The following JPH3 variants were observed in gnomAD, a reference collection of about 807,000 sequenced individuals.
JPH3 encodes junctophilin-3.
Under a neutral mutation model 59.6 loss-of-function variants are expected in JPH3, and 11 were observed. That is an observed-to-expected ratio of 0.18 (90% CI 0.12 to 0.31). JPH3 has a LOEUF of 0.31. JPH3 is among the 10% of genes least tolerant of loss of function. JPH3 has a pLI of 1.00. For synonymous variants in JPH3, 673 were observed against 483.6 expected, an observed-to-expected ratio of 1.39 and a Z score of -5.14; for missense variants, 1,202 against 1,105.7, an observed-to-expected ratio of 1.09 and a Z score of -1.24.
intron 1 of JPH3, among the ~76,000 whole-genome samples, chr16:87,642,480 G>C (rs1034273374): frequency 1.1e-4 from 16 of 152,346 alleles, no homozygotes; most frequent in African/African-American, 3.8e-4. Flanking sequence ...GTTGTTAGCA[G>C]GTAATTCCAA....
chr16:87,615,147 C>G (rs1330366251), intron 1 of JPH3, among the ~76,000 whole-genome samples: 2 of 152,248 alleles, frequency 1.3e-5, no homozygotes, highest in Non-Finnish European at 1.5e-5. Context: ...TGAGGGTTCA[C>G]AGGTTCCCGG....
chr16:87,626,075 G>T (rs909219767), intron 1 of JPH3, among the ~76,000 whole-genome samples: 2 of 152,164 alleles, frequency 1.3e-5, no homozygotes. Flanking sequence ...GCTATCGGGG[G>T]TGTTTACCCT....
At chr16:87,643,997 G>A (rs1471937018) in intron 1 of JPH3, among the ~76,000 whole-genome samples, 1 of 152,214 alleles carries the variant, frequency 6.6e-6, no homozygotes, top group African/African-American at 2.4e-5. Context: ...AAGTAGTGGA[G>A]CATGGTGGTG....
In JPH3 at chr16:87,611,813, A is replaced by G. The variant is rs1017054465; in HGVS notation, c.382+8285A>G. Among the ~76,000 whole-genome samples the G allele has an allele frequency of 1.3e-5, 2 of 152,106 alleles. No homozygotes were observed. Among genetic ancestry groups the G allele is most frequent in the African/African-American group, 4.8e-5 (2 of 41,418 alleles). ...CGATGCTGAGGCTGCTGATCTGGGG[A>G]CCTCACATTAAGAACCACAGTCCTG... is the stretch of plus-strand genomic sequence containing the variant. On this transcript the variant is annotated intron_variant, in intron 1 of 4. Coordinates refer to ENST00000284262, the MANE Select transcript of JPH3 (RefSeq NM_020655.4). The surrounding 1 kb of genome is among the most constrained non-coding windows in gnomAD (Gnocchi z 4.5).
intron 4 of JPH3, chr16:87,696,371 C>G (rs2033854059): frequency 8.4e-6 from 5 of 594,464 alleles, no homozygotes; most frequent in South Asian, 2.0e-5. Context: ...CTCAGACGTA[C>G]AGGCAGCTGG....
chr16:87,629,718 G>T (rs980848955), intron 1 of JPH3, among the ~76,000 whole-genome samples: 1 of 152,096 alleles, frequency 6.6e-6, no homozygotes, highest in Non-Finnish European at 1.5e-5. Context: ...GAGCCCGGGG[G>T]ATTTGTAGGG....
intron 1 of JPH3, chr16:87,604,643 C>G (rs1345483034): frequency 8.5e-7 from 1 of 1,174,444 alleles, no homozygotes; most frequent in Non-Finnish European, 1.1e-6. Context: ...TGCTCTAGTC[C>G]TCCCCGCCCG....
chr16:87,678,853 C>T (rs969065092), intron 2 of JPH3, among the ~76,000 whole-genome samples: 86 of 152,298 alleles, frequency 5.6e-4, no homozygotes, highest in African/African-American at 1.9e-3. Context: ...AGCCTGGGAA[C>T]GCCGAGGGCG....
chr16:87,661,115 C>T (rs888286541), intron 2 of JPH3, among the ~76,000 whole-genome samples: 1 of 152,192 alleles, frequency 6.6e-6, no homozygotes, highest in Non-Finnish European at 1.5e-5. Flanking sequence ...TTGCCTTTCC[C>T]AGCTTCCAGA....
Position 87,690,073 on chromosome 16 carries a change from G to A in JPH3, c.1713G>A (p.Pro571=), listed in dbSNP as rs1214480666. ...GCAAGCAGCCCGGGAACCCCAAGCC[G>A]CGGGAGCGGCGGACGGAGTCACCCC... The part of the protein sequence containing the change: ...SGRKQPGNPK[P]RERRTESPPV... Residue 571 remains proline (P), a synonymous_variant, in exon 4 of 5, where the codon CCG becomes CCA. Coordinates refer to ENST00000284262, the MANE Select transcript of JPH3 (RefSeq NM_020655.4). 1.9e-6 allele frequency: 3 copies of A among 1,562,346 alleles called. No individual in the cohort carries two copies. The highest frequency in any genetic ancestry group is 2.6e-6 in the Non-Finnish European group (3 of 1,155,344).
At chr16:87,655,731 G>A (rs2032477846) in intron 2 of JPH3, among the ~76,000 whole-genome samples, 1 of 152,206 alleles carries the variant, frequency 6.6e-6, no homozygotes, top group Non-Finnish European at 1.5e-5. Flanking sequence ...AACACGTAAT[G>A]AGTGCAGTGC....
Position 87,608,175 on chromosome 16 carries a change from C to G in JPH3, c.382+4647C>G, listed in dbSNP as rs1355694915. ...AGGAGAGAGAGAACTCTGACCCCTT[C>G]TCTTCTGAGGACACCCAGCCGGAGA... On this transcript the variant is annotated intron_variant, in intron 1 of 4. Transcript: ENST00000284262. 2.0e-5 allele frequency among the ~76,000 whole-genome samples: 3 copies of G among 152,228 alleles called. No individual in the cohort carries two copies. The East Asian group carries it at 5.8e-4, about 29-fold the overall frequency.
chr16:87,662,759 C>A (rs1027329781), intron 2 of JPH3, among the ~76,000 whole-genome samples: 1 of 152,224 alleles, frequency 6.6e-6, no homozygotes, highest in Non-Finnish European at 1.5e-5. Context: ...TAGCTCAGAC[C>A]CTCCTCAGCC....
intron 2 of JPH3, among the ~76,000 whole-genome samples, chr16:87,671,514 G>A (rs2033014622): frequency 6.6e-6 from 1 of 152,214 alleles, no homozygotes; most frequent in South Asian, 2.1e-4. Flanking sequence ...GTTGGGCACT[G>A]GCTGGGAAGA....
intron 2 of JPH3, among the ~76,000 whole-genome samples, chr16:87,682,049 GC>G (rs972026483): frequency 6.6e-6 from 1 of 152,146 alleles, no homozygotes; most frequent in African/African-American, 2.4e-5. Context: ...CCACCCAAGG[GC>G]CTGGAATCGG....
intron 1 of JPH3, among the ~76,000 whole-genome samples, chr16:87,640,327 C>CA (rs77410169): frequency 0.18 from 26,658 of 145,344 alleles, 2,827 homozygotes; most frequent in East Asian, 0.38. Context: ...GACTCCATCT[C>CA]AAAAAAAAAA....
intron 1 of JPH3, chr16:87,604,609 G>C: frequency 8.3e-7 from 1 of 1,208,266 alleles, no homozygotes; most frequent in African/African-American, 1.6e-5. Flanking sequence ...CTTCTGCCGA[G>C]AATAAAAATC....
At position 87,690,127 on chromosome 16, in the gene JPH3, G is replaced by T. The variant is rs538000829; in HGVS notation, c.1767G>T (p.Arg589=). 6.3e-7 allele frequency: 1 copy of T among 1,589,722 alleles called. No homozygotes were observed. ...TGTTCACGTGGACTTCCCACCACCGGGCCAGCAACCACAGCCCCGGAGGCT... is the reference window on the plus strand; with the variant it reads ...TGTTCACGTGGACTTCCCACCACCGTGCCAGCAACCACAGCCCCGGAGGCT... ...PPVFTWTSHH[R]ASNHSPGGSR... Residue 589 remains arginine (R), a synonymous_variant, in exon 4 of 5, where the codon CGG becomes CGT. Transcript: ENST00000284262.
chr16:87,660,711 C>T (rs2032672664), intron 2 of JPH3, among the ~76,000 whole-genome samples: 1 of 152,188 alleles, frequency 6.6e-6, no homozygotes, highest in Non-Finnish European at 1.5e-5. Context: ...AGATGGACCC[C>T]CAATCACACT....
Sources: gnomAD v4.1 joint callset for allele counts (sites outside exome capture counted in the v4.1 genomes callset) on GRCh38, gnomAD v4.1.1 for gene constraint, Gnocchi (gnomAD v3.1) non-coding constraint, MANE v1.5 for transcripts, NCBI Gene and HGNC (gene_info 2026-07-23, HGNC 2026-07-21) for gene names.